FSTL4: variants seen among roughly 807,000 people sequenced by gnomAD.
FSTL4 encodes follistatin like 4, also known as follistatin-related protein 4.
In FSTL4, 28 loss-of-function variants were observed where a neutral mutation model predicts 78.2. The observed-to-expected ratio is 0.36, with a 90% CI of 0.27 to 0.49. The LOEUF (loss-of-function observed/expected upper bound fraction) is 0.49. Ranked by LOEUF, FSTL4 falls within the 20% of genes least tolerant of loss-of-function variation. The probability of loss-of-function intolerance (pLI) is 0.98; values close to 1 mark genes in which losing one functional copy is unlikely to be tolerated. For missense variants in FSTL4, 922 were observed against 1,084.9 expected (o/e 0.85, Z 2.11); for synonymous variants, 422 against 440.5 (o/e 0.96, Z 0.53).
chr5:133,410,985 G>C (rs901039713), intron 3 of FSTL4, among the ~76,000 whole-genome samples: 34 of 152,196 alleles, frequency 2.2e-4, no homozygotes, highest in African/African-American at 8.0e-4. Flanking sequence ...TGGGCCTGAG[G>C]GTTCTGGGAA....
chr5:133,267,885 G>C (rs749203071), intron 6 of FSTL4, among the ~76,000 whole-genome samples: 5 of 152,184 alleles, frequency 3.3e-5, no homozygotes, highest in Non-Finnish European at 7.3e-5. Flanking sequence ...AAGAAGGGCT[G>C]CATTTAGAAG....
intron 4 of FSTL4, among the ~76,000 whole-genome samples, chr5:133,365,029 C>T (rs1175762290): frequency 6.6e-6 from 1 of 152,010 alleles, no homozygotes; most frequent in East Asian, 1.9e-4. Context: ...TGTGGAAAGC[C>T]CTCAGAAAGC....
At chr5:133,728,977 C>T in the FSTL4 span, among the ~76,000 whole-genome samples, 1 of 152,174 alleles carries the variant, frequency 6.6e-6, no homozygotes, top group Non-Finnish European at 1.5e-5. Flanking sequence ...GTGACATGAG[C>T]TCCCAGGCCA....
intron 3 of FSTL4, among the ~76,000 whole-genome samples, chr5:133,494,071 T>C (rs1758323145): frequency 6.6e-6 from 1 of 152,220 alleles, no homozygotes; most frequent in Admixed American, 6.5e-5. Context: ...TTAAGCACTT[T>C]AGCCATACTA....
the FSTL4 span, among the ~76,000 whole-genome samples, chr5:133,795,078 G>A: frequency 8.5e-5 from 13 of 152,278 alleles, no homozygotes; most frequent in South Asian, 4.2e-4. Flanking sequence ...AGAACAGCCC[G>A]GGGCCTAAGC....
intron 4 of FSTL4, among the ~76,000 whole-genome samples, chr5:133,394,498 G>T (rs1580676448): frequency 6.6e-6 from 1 of 152,366 alleles, no homozygotes; most frequent in Non-Finnish European, 1.5e-5. Flanking sequence ...TAGCACCCGG[G>T]CCAGCAGCTG....
chr5:133,395,400 A>G (rs1755998543), intron 4 of FSTL4, among the ~76,000 whole-genome samples: 1 of 152,226 alleles, frequency 6.6e-6, no homozygotes, highest in African/African-American at 2.4e-5. Flanking sequence ...CAGCGAGACC[A>G]CGAACCCACC....
chr5:133,231,962 G>A (rs913090114), intron 8 of FSTL4, among the ~76,000 whole-genome samples: 6 of 152,242 alleles, frequency 3.9e-5, no homozygotes, highest in Admixed American at 6.5e-5. Context: ...AGATCCTTAA[G>A]AGGCACAGTC....
At chr5:133,226,796 A>G (rs1751348764) in intron 8 of FSTL4, among the ~76,000 whole-genome samples, 2 of 152,234 alleles carry the variant, frequency 1.3e-5, no homozygotes. Context: ...AAAGCATCCC[A>G]GTACTTTAGA....
chr5:133,265,303 C>T (rs1317463637), intron 6 of FSTL4, among the ~76,000 whole-genome samples: 3 of 152,216 alleles, frequency 2.0e-5, no homozygotes, highest in Non-Finnish European at 4.4e-5. Flanking sequence ...CTGGGCCTTC[C>T]CCCGTCGCTG....
chr5:133,840,747 C>A, the FSTL4 span, among the ~76,000 whole-genome samples: 1 of 152,238 alleles, frequency 6.6e-6, no homozygotes, highest in African/African-American at 2.4e-5. Flanking sequence ...AACCTGGAGG[C>A]AAGCACCCGT....
At chr5:133,351,771 C>G (rs1754829032) in intron 4 of FSTL4, among the ~76,000 whole-genome samples, 1 of 152,048 alleles carries the variant, frequency 6.6e-6, no homozygotes, top group African/African-American at 2.4e-5. Flanking sequence ...CCTTGCCCAG[C>G]TAGTTTTTTT....
At chr5:133,727,658 A>C in the FSTL4 span, among the ~76,000 whole-genome samples, 1 of 152,240 alleles carries the variant, frequency 6.6e-6, no homozygotes, top group Non-Finnish European at 1.5e-5. Context: ...GTCCAGGAAG[A>C]CTGCAAAGCA....
At chr5:133,548,550 G>A (rs1759628112) in intron 3 of FSTL4, among the ~76,000 whole-genome samples, 2 of 152,086 alleles carry the variant, frequency 1.3e-5, no homozygotes, top group Non-Finnish European at 2.9e-5. Flanking sequence ...AGCAAAAAAT[G>A]GTAACCTGTA....
the FSTL4 span, among the ~76,000 whole-genome samples, chr5:133,788,309 C>T: frequency 1.3e-5 from 2 of 152,210 alleles, no homozygotes; most frequent in African/African-American, 4.8e-5. Flanking sequence ...CTTCGGTTTC[C>T]GTGGCTGGAA....
the FSTL4 span, among the ~76,000 whole-genome samples, chr5:133,632,810 C>A: frequency 6.6e-6 from 1 of 152,114 alleles, no homozygotes; most frequent in African/African-American, 2.4e-5. Context: ...ATGCAGCCTC[C>A]CAAGTAGCTG....
chr5:133,397,949 C>T (rs1756112902), intron 4 of FSTL4, among the ~76,000 whole-genome samples: 1 of 152,174 alleles, frequency 6.6e-6, no homozygotes, highest in African/African-American at 2.4e-5. Context: ...AAATGACAAA[C>T]TGTCATTCGT....
At chr5:133,727,189 A>G in the FSTL4 span, among the ~76,000 whole-genome samples, 1 of 152,186 alleles carries the variant, frequency 6.6e-6, no homozygotes, top group Non-Finnish European at 1.5e-5. Context: ...GAAATGGAAA[A>G]GCTCCAGCAG....
At chr5:133,493,456 C>T (rs1269138367) in intron 3 of FSTL4, among the ~76,000 whole-genome samples, 1 of 152,204 alleles carries the variant, frequency 6.6e-6, no homozygotes, top group Non-Finnish European at 1.5e-5. Context: ...AAAGTCTAGG[C>T]AGACCACAAG....
Sources: gnomAD v4.1 joint callset for allele counts (sites outside exome capture counted in the v4.1 genomes callset) on GRCh38, gnomAD v4.1.1 for gene constraint, MANE v1.5 for transcripts, NCBI Gene and HGNC (gene_info 2026-07-23, HGNC 2026-07-21) for gene names.